KCNK9: variants seen among roughly 807,000 people sequenced by gnomAD.
KCNK9 encodes the protein potassium channel subfamily K member 9.
Under a neutral mutation model 10.8 loss-of-function variants are expected in KCNK9, and 1 was observed. The ratio of observed to expected loss-of-function variants is 0.09; its 90% CI spans 0.03 to 0.44. The LOEUF is 0.44. KCNK9 is among the 20% of genes least tolerant of loss of function. KCNK9 has a pLI of 0.97. For missense variants in KCNK9, 303 were observed against 515.0 expected (o/e 0.59, Z 3.98); for synonymous variants, 231 against 222.7 (o/e 1.04, Z -0.33).
intron 1 of KCNK9, among the ~76,000 whole-genome samples, chr8:139,627,117 A>G (rs1351056742): frequency 6.6e-6 from 1 of 152,232 alleles, no homozygotes; most frequent in Non-Finnish European, 1.5e-5. Context: ...ACCTTGGGCA[A>G]GACACCTTAG....
At chr8:139,622,592 T>TCCAC (rs1262208108) in intron 1 of KCNK9, among the ~76,000 whole-genome samples, 2 of 152,194 alleles carry the variant, frequency 1.3e-5, no homozygotes, top group Non-Finnish European at 1.5e-5. Flanking sequence ...CCACTGGTGC[T>TCCAC]CCACATACCC....
chr8:139,631,311 G>T (rs78961981), intron 1 of KCNK9, among the ~76,000 whole-genome samples: 3 of 152,320 alleles, frequency 2.0e-5, no homozygotes, highest in East Asian at 3.9e-4. Flanking sequence ...CGGGGACTGC[G>T]CTAAGATATT....
chr8:139,673,888 T>C (rs1045212577), intron 1 of KCNK9, among the ~76,000 whole-genome samples: 4 of 151,944 alleles, frequency 2.6e-5, no homozygotes, highest in Non-Finnish European at 5.9e-5. Context: ...CAAGGCCAGA[T>C]TCGGGGACCT....
chr8:139,631,395 C>T (rs1586646423), intron 1 of KCNK9, among the ~76,000 whole-genome samples: 1 of 152,142 alleles, frequency 6.6e-6, no homozygotes, highest in Non-Finnish European at 1.5e-5. Context: ...CTCTGTGGCA[C>T]GGGTGAGAAA....
intron 1 of KCNK9, among the ~76,000 whole-genome samples, chr8:139,699,894 T>C (rs556348341): frequency 2.0e-5 from 3 of 152,130 alleles, no homozygotes; most frequent in Non-Finnish European, 2.9e-5. Context: ...GCCTTGGAGA[T>C]TTGGGCAAAA....
chr8:139,691,436 A>G (rs1816932042), intron 1 of KCNK9, among the ~76,000 whole-genome samples: 1 of 152,188 alleles, frequency 6.6e-6, no homozygotes, highest in Non-Finnish European at 1.5e-5. Flanking sequence ...GTGAAGCCAG[A>G]AGACCCACCC....
intron 1 of KCNK9, 118 bp from the exon 2 acceptor site, chr8:139,619,217 G>A (rs574343657): frequency 2.6e-5 from 30 of 1,159,674 alleles, no homozygotes; most frequent in African/African-American, 4.6e-5. Flanking sequence ...GGTACTGGGG[G>A]AATTTCCTCT....
At chr8:139,654,789 C>A (rs1461006284) in intron 1 of KCNK9, among the ~76,000 whole-genome samples, 1 of 152,208 alleles carries the variant, frequency 6.6e-6, no homozygotes, top group Non-Finnish European at 1.5e-5. Context: ...CCATGCTACC[C>A]CGGGGCCTAG....
chr8:139,700,694 C>G (rs181369253), intron 1 of KCNK9, among the ~76,000 whole-genome samples: 1 of 152,276 alleles, frequency 6.6e-6, no homozygotes, highest in African/African-American at 2.4e-5. Flanking sequence ...TGAGGCGAAG[C>G]CGACACCCTC....
At chr8:139,645,529 C>A (rs1815649652) in intron 1 of KCNK9, among the ~76,000 whole-genome samples, 1 of 152,200 alleles carries the variant, frequency 6.6e-6, no homozygotes, top group Non-Finnish European at 1.5e-5. Context: ...CACCTCCCCA[C>A]AGGGCTGCAG....
At chr8:139,604,823 A>G (rs893824729) in intron 2 of KCNK9, among the ~76,000 whole-genome samples, 7 of 152,204 alleles carry the variant, frequency 4.6e-5, no homozygotes, top group African/African-American at 1.7e-4. Context: ...AAGAGGAGGC[A>G]TGGCCTCCGA....
chr8:139,683,612 G>T (rs1410053240), intron 1 of KCNK9, among the ~76,000 whole-genome samples: 1 of 152,254 alleles, frequency 6.6e-6, no homozygotes, highest in Admixed American at 6.5e-5. Context: ...AGGGGTTGGA[G>T]TTGACCACGG....
intron 1 of KCNK9, among the ~76,000 whole-genome samples, chr8:139,629,251 C>T (rs535897555): frequency 7.2e-5 from 11 of 152,348 alleles, no homozygotes; most frequent in African/African-American, 1.9e-4. Flanking sequence ...TGGCTGGGGC[C>T]GAGATGCATG....
intron 1 of KCNK9, among the ~76,000 whole-genome samples, chr8:139,698,009 C>A (rs1310152274): frequency 6.6e-6 from 1 of 152,164 alleles, no homozygotes. Flanking sequence ...CCCTAGTAGG[C>A]CCTTCATCTG....
rs60883755 is a variant in KCNK9 at position 139,604,474 on chromosome 8, G to A, written c.*1-2873C>T. Among the ~76,000 whole-genome samples the A allele has an allele frequency of 4.8e-3, 731 of 152,256 alleles. 1 individual carries two copies. The highest frequency in any genetic ancestry group is 0.017 in the African/African-American group (696 of 41,552). On this transcript the variant is annotated intron_variant, in intron 2 of 2. Transcript: ENST00000650269. ...AGGGAACAGCAGGTGGGGGTGCCAC[G>A]CGGGCGCATCTGCACGCCATGGAGA... is the stretch of plus-strand genomic sequence containing the variant.
intron 1 of KCNK9, among the ~76,000 whole-genome samples, chr8:139,684,429 T>G (rs1816749014): frequency 6.6e-6 from 1 of 152,214 alleles, no homozygotes; most frequent in Non-Finnish European, 1.5e-5. Flanking sequence ...CTTTATACCT[T>G]ATTTTTATGT....
chr8:139,637,321 A>T (rs761912221), intron 1 of KCNK9, among the ~76,000 whole-genome samples: 102 of 152,248 alleles, frequency 6.7e-4, no homozygotes, highest in Non-Finnish European at 1.2e-3. Context: ...TCATCAGCCA[A>T]CTACTAAGGT....
chr8:139,606,046 G>T (rs976145530), intron 2 of KCNK9, among the ~76,000 whole-genome samples: 1 of 152,118 alleles, frequency 6.6e-6, no homozygotes, highest in Non-Finnish European at 1.5e-5. Context: ...GGTTCTCTAT[G>T]GATGAGTTTG....
At chr8:139,622,115 T>C (rs1230472671) in intron 1 of KCNK9, among the ~76,000 whole-genome samples, 2 of 152,198 alleles carry the variant, frequency 1.3e-5, no homozygotes, top group Non-Finnish European at 1.5e-5. Flanking sequence ...AACTTGATCA[T>C]TGACACACCA....
Sources: gnomAD v4.1 joint callset for allele counts (sites outside exome capture counted in the v4.1 genomes callset) on GRCh38, gnomAD v4.1.1 for gene constraint, MANE v1.5 for transcripts, NCBI Gene and HGNC (gene_info 2026-07-23, HGNC 2026-07-21) for gene names.